Variants in PIGL observed in about 807,000 individuals in gnomAD.
PIGL encodes phosphatidylinositol glycan anchor biosynthesis class L, also known as N-acetylglucosaminyl-phosphatidylinositol de-N-acetylase.
In PIGL, 22 loss-of-function variants were observed where a neutral mutation model predicts 31.1. The ratio of observed to expected loss-of-function variants is 0.71; its 90% CI spans 0.51 to 1.01. The LOEUF (loss-of-function observed/expected upper bound fraction) is 1.01. Among genes scored for constraint, PIGL ranks in the 50% least tolerant of loss-of-function variants. The pLI is 0.00. For synonymous variants in PIGL, 131 were observed against 117.4 expected, an observed-to-expected ratio of 1.12 and a Z score of -0.75; for missense variants, 302 against 315.9, an observed-to-expected ratio of 0.96 and a Z score of 0.33.
rs564537268 is a variant in PIGL at position 16,315,342 on chromosome 17, A to G, written c.495-1339A>G. ...TCACGTTAGTCCTCAGCCACCTTGAACCTTCTGTGGCATCTGGCCCTGCCT... is the reference window on the plus strand; with the variant it reads ...TCACGTTAGTCCTCAGCCACCTTGAGCCTTCTGTGGCATCTGGCCCTGCCT... On this transcript the variant is annotated intron_variant, in intron 4 of 6. Coordinates refer to ENST00000225609, the MANE Select transcript of PIGL (RefSeq NM_004278.4). Among the ~76,000 whole-genome samples, 5 of 152,182 alleles carry G rather than the reference A, an allele frequency of 3.3e-5. No homozygotes were observed. In the East Asian group the frequency reaches 9.6e-4, roughly 29 times the overall value.
At chr17:16,233,071 G>T (rs138125878) in intron 1 of PIGL, among the ~76,000 whole-genome samples, 17 of 151,374 alleles carry the variant, frequency 1.1e-4, no homozygotes, top group Non-Finnish European at 1.9e-4. Flanking sequence ...CCAAGATCGC[G>T]CTGCTGTACT....
intron 6 of PIGL, 90 bp from the exon 7 acceptor site, chr17:16,325,710 G>A: frequency 1.1e-6 from 1 of 943,264 alleles, no homozygotes; most frequent in South Asian, 1.3e-5. Flanking sequence ...TTAGTTCGAG[G>A]AAGGATTTAA....
At chr17:16,265,442 T>C (rs1390774497) in intron 2 of PIGL, among the ~76,000 whole-genome samples, 2 of 152,036 alleles carry the variant, frequency 1.3e-5, no homozygotes, top group East Asian at 3.9e-4. Context: ...CTAACTGGCA[T>C]CAAGAATCAG....
intron 2 of PIGL, among the ~76,000 whole-genome samples, chr17:16,257,185 G>A (rs2092797462): frequency 6.6e-6 from 1 of 152,170 alleles, no homozygotes; most frequent in South Asian, 2.1e-4. Context: ...GGGAGACTGA[G>A]GCAGGTTGAT....
At chr17:16,243,823 T>C (rs560457849) in intron 2 of PIGL, among the ~76,000 whole-genome samples, 1 of 152,362 alleles carries the variant, frequency 6.6e-6, no homozygotes, top group East Asian at 1.9e-4. Context: ...AGAGCCAATT[T>C]ATCCAGATGG....
At position 16,217,410 on chromosome 17, in the gene PIGL, C is replaced by CTAGG. The variant is rs766350740; in HGVS notation, c.185_188dup (p.Leu64ArgfsTer27). 2 of 1,614,186 alleles carry CTAGG rather than the reference C, an allele frequency of 1.2e-6. No homozygotes were observed. Among genetic ancestry groups the CTAGG allele is most frequent in the Non-Finnish European group, 1.7e-6 (2 of 1,180,028 alleles). ...AGCCATGTTTTTTGCTCCCACAGTG[C>CTAGG]TAGGCTTGGCCCGCCTAAGGCACTG... On this transcript the variant is annotated frameshift_variant, in exon 1 of 7. Transcript: ENST00000225609. LOFTEE classifies it high-confidence loss of function.
At chr17:16,220,390 T>C (rs1223937828) in intron 1 of PIGL, among the ~76,000 whole-genome samples, 1 of 152,020 alleles carries the variant, frequency 6.6e-6, no homozygotes, top group Non-Finnish European at 1.5e-5. Context: ...TGGCACTCAA[T>C]GTTTTTATTG....
intron 3 of PIGL, among the ~76,000 whole-genome samples, chr17:16,312,163 C>T (rs1336005282): frequency 1.3e-5 from 2 of 149,870 alleles, no homozygotes; most frequent in African/African-American, 5.0e-5. Flanking sequence ...CCCTCCCGGA[C>T]GGGGCGGCTG....
At chr17:16,223,048 G>A (rs932554929) in intron 1 of PIGL, among the ~76,000 whole-genome samples, 3 of 151,956 alleles carry the variant, frequency 2.0e-5, no homozygotes, top group South Asian at 4.1e-4. Flanking sequence ...AGAATGCCTC[G>A]GTCAAGTTTG....
chr17:16,264,723 T>C (rs749145330), intron 2 of PIGL, among the ~76,000 whole-genome samples: 1 of 151,808 alleles, frequency 6.6e-6, no homozygotes, highest in Non-Finnish European at 1.5e-5. Flanking sequence ...GGTTACTCAC[T>C]GCAACCTCTG....
intron 2 of PIGL, among the ~76,000 whole-genome samples, chr17:16,249,552 C>T (rs551217390): frequency 6.6e-6 from 1 of 152,150 alleles, no homozygotes; most frequent in Admixed American, 6.6e-5. Flanking sequence ...GGGAGTTGGC[C>T]CGTGATTATG....
At chr17:16,307,473 C>T (rs2093030798) in intron 3 of PIGL, among the ~76,000 whole-genome samples, 1 of 152,226 alleles carries the variant, frequency 6.6e-6, no homozygotes, top group Non-Finnish European at 1.5e-5. Flanking sequence ...GCAATAACTA[C>T]ACCTAGCACA....
At chr17:16,316,608 C>G in intron 4 of PIGL, 73 bp from the exon 5 acceptor site, 1 of 1,470,830 alleles carries the variant, frequency 6.8e-7, no homozygotes, top group South Asian at 1.3e-5. Context: ...AGCCTTTCCT[C>G]TGAAGGCCCC....
At chr17:16,309,937 G>A (rs1568839561) in intron 3 of PIGL, among the ~76,000 whole-genome samples, 2 of 151,890 alleles carry the variant, frequency 1.3e-5, no homozygotes, top group Non-Finnish European at 2.9e-5. Context: ...AATTAGCCAG[G>A]CATGGTGGCA....
At chr17:16,315,704 CTT>C (rs775707238) in intron 4 of PIGL, among the ~76,000 whole-genome samples, 1 of 75,422 alleles carries the variant, frequency 1.3e-5, no homozygotes, top group Non-Finnish European at 2.5e-5. Flanking sequence ...TTCTTTCTTT[CTT>C]TCTTTTTTTT....
intron 2 of PIGL, among the ~76,000 whole-genome samples, chr17:16,258,803 G>A (rs1406571257): frequency 6.6e-6 from 1 of 152,120 alleles, no homozygotes; most frequent in African/African-American, 2.4e-5. Context: ...GTCCAGCCTG[G>A]AAGTAGACAT....
At chr17:16,262,540 A>G (rs2092823624) in intron 2 of PIGL, among the ~76,000 whole-genome samples, 1 of 152,158 alleles carries the variant, frequency 6.6e-6, no homozygotes, top group Admixed American at 6.6e-5. Flanking sequence ...AATAAACACC[A>G]AATACAAATG....
At chr17:16,318,347 T>G (rs1466929070) in intron 6 of PIGL, among the ~76,000 whole-genome samples, 2 of 151,760 alleles carry the variant, frequency 1.3e-5, no homozygotes, top group Non-Finnish European at 1.5e-5. Context: ...CTCGGCTCAC[T>G]GCAACCTCCG....
At chr17:16,310,598 G>A (rs574200670) in intron 3 of PIGL, among the ~76,000 whole-genome samples, 3 of 152,080 alleles carry the variant, frequency 2.0e-5, no homozygotes, top group African/African-American at 4.8e-5. Flanking sequence ...GTCCAGTGGC[G>A]TGATATTGGC....
Sources: gnomAD v4.1 joint callset for allele counts (sites outside exome capture counted in the v4.1 genomes callset) on GRCh38, gnomAD v4.1.1 for gene constraint, MANE v1.5 for transcripts, NCBI Gene and HGNC (gene_info 2026-07-23, HGNC 2026-07-21) for gene names.